APBA1: variants seen among roughly 807,000 people sequenced by gnomAD.
The protein encoded by APBA1 is amyloid-beta A4 precursor protein-binding family A member 1.
APBA1 carries 55 observed loss-of-function variants against 86.6 expected under a neutral mutation model. The ratio of observed to expected loss-of-function variants is 0.64; its 90% CI spans 0.51 to 0.80. The LOEUF is 0.80. Ranked by LOEUF, APBA1 falls within the 30% of genes least tolerant of loss-of-function variation. The pLI is 0.00. For missense variants in APBA1, 1,090 were observed against 1,183.0 expected (o/e 0.92, Z 1.15); for synonymous variants, 511 against 493.9 (o/e 1.03, Z -0.46).
chr9:69,433,936 T>A (rs569429590), intron 11 of APBA1, among the ~76,000 whole-genome samples: 10 of 151,964 alleles, frequency 6.6e-5, no homozygotes, highest in African/African-American at 2.4e-4. Context: ...CTCACCCTCC[T>A]GAGTAGCTGG....
At chr9:69,602,040 A>T (rs10120072) in intron 1 of APBA1, among the ~76,000 whole-genome samples, 147,559 of 152,342 alleles carry the variant, frequency 0.97, 71,644 homozygotes, top group East Asian at 1. Context: ...AACCATTCAT[A>T]CATTCAAAAG....
chr9:69,467,958 G>T lies in APBA1; in HGVS notation c.1347C>A (p.Pro449=), dbSNP rs765057013. 4.3e-6 allele frequency: 7 copies of T among 1,614,144 alleles called. No individual in the cohort carries two copies. The South Asian group carries it at 6.6e-5, about 15-fold the overall frequency. Residue 449 remains proline, a synonymous_variant, in exon 5 of 13, where the codon CCC becomes CCA. Transcript: ENST00000265381. ...SFPTYVEVPG[P]CDPEDLIDGI... The stretch of plus-strand genomic sequence containing the variant: ...CATCGATCAAGTCTTCGGGGTCGCA[G>T]GGTCCCGGAACTGTAACACATAGAG...
At chr9:69,528,495 A>G (rs1836376706) in intron 1 of APBA1, among the ~76,000 whole-genome samples, 1 of 152,148 alleles carries the variant, frequency 6.6e-6, no homozygotes, top group Non-Finnish European at 1.5e-5. Flanking sequence ...CTCAAGAGAC[A>G]GTCTCTGGAA....
intron 1 of APBA1, among the ~76,000 whole-genome samples, chr9:69,661,819 A>G (rs1172331968): frequency 1.3e-5 from 2 of 151,894 alleles, no homozygotes; most frequent in African/African-American, 4.8e-5. Flanking sequence ...CTCTTTCACC[A>G]TGTTATCTCT....
chr9:69,571,296 C>T lies in APBA1; in HGVS notation c.-69-54017G>A, dbSNP rs118093079. Among the ~76,000 whole-genome samples the T allele has an allele frequency of 1.0e-3, 153 of 152,330 alleles. 4 individuals are homozygous for T. The East Asian group carries it at 0.029, about 28-fold the overall frequency. On this transcript the variant is annotated intron_variant, in intron 1 of 12. Transcript: ENST00000265381. ...TCATCTGTTTCCTGTGCCAGTTCTA[C>T]ACCGCTGTATCATAAAAGTCTATCC...
intron 1 of APBA1, among the ~76,000 whole-genome samples, chr9:69,612,070 A>G (rs890831240): frequency 1.3e-5 from 2 of 152,130 alleles, no homozygotes; most frequent in African/African-American, 4.8e-5. Context: ...TATAAATCCA[A>G]CCTAAAAACA....
intron 2 of APBA1, among the ~76,000 whole-genome samples, chr9:69,492,294 T>G (rs566377275): frequency 6.6e-6 from 1 of 152,166 alleles, no homozygotes; most frequent in East Asian, 1.9e-4. Context: ...CTGGTGATAA[T>G]GCACACTAGT....
intron 2 of APBA1, among the ~76,000 whole-genome samples, chr9:69,492,327 C>T (rs147550597): frequency 2.4e-4 from 37 of 152,160 alleles, no homozygotes; most frequent in African/African-American, 6.0e-4. Flanking sequence ...GCCTGGGCAC[C>T]GGCAAAGCAT....
At chr9:69,563,837 A>T (rs1442243310) in intron 1 of APBA1, among the ~76,000 whole-genome samples, 1 of 152,068 alleles carries the variant, frequency 6.6e-6, no homozygotes, top group African/African-American at 2.4e-5. Context: ...TTTCCATAGC[A>T]CTCACTGACT....
At chr9:69,604,857 T>C (rs546388197) in intron 1 of APBA1, among the ~76,000 whole-genome samples, 1 of 135,498 alleles carries the variant, frequency 7.4e-6, no homozygotes, top group African/African-American at 2.8e-5. Flanking sequence ...AGGAGAGGCA[T>C]ATGAGCATGG....
At position 69,635,725 on chromosome 9, in the gene APBA1, G is replaced by A. The variant is rs189790719; in HGVS notation, c.-70+36428C>T. Among the ~76,000 whole-genome samples, 507 of 152,188 alleles carry A rather than the reference G, an allele frequency of 3.3e-3. 3 individuals carry two copies. Among genetic ancestry groups the A allele is most frequent in the African/African-American group, 0.012 (488 of 41,530 alleles). ...TTACATGAGACAACATATATTTCAA[G>A]ACAAAAACTGTAAGAGGAAACAAAG... On this transcript the variant is annotated intron_variant, in intron 1 of 12. Coordinates refer to ENST00000265381, the MANE Select transcript of APBA1 (RefSeq NM_001163.4).
chr9:69,526,895 C>T (rs1156530882), intron 1 of APBA1, among the ~76,000 whole-genome samples: 2 of 151,984 alleles, frequency 1.3e-5, no homozygotes, highest in African/African-American at 4.8e-5. Flanking sequence ...TACTATGCAG[C>T]CATGAAAAAG....
intron 2 of APBA1, among the ~76,000 whole-genome samples, chr9:69,487,641 G>C (rs947637346): frequency 2.0e-5 from 3 of 151,992 alleles, no homozygotes; most frequent in Non-Finnish European, 4.4e-5. Flanking sequence ...TTGAGGGAAC[G>C]GGTTAGTTAT....
chr9:69,566,381 C>A (rs146465568), intron 1 of APBA1, among the ~76,000 whole-genome samples: 2 of 152,290 alleles, frequency 1.3e-5, no homozygotes, highest in African/African-American at 4.8e-5. Context: ...GGTTTCTACA[C>A]CTGATTGCAA....
chr9:69,447,833 T>C (rs946628711), intron 10 of APBA1, among the ~76,000 whole-genome samples: 4 of 152,280 alleles, frequency 2.6e-5, no homozygotes, highest in African/African-American at 9.6e-5. Flanking sequence ...CTGAGCACTG[T>C]GAGCCATAAG....
At chr9:69,537,769 G>A (rs187763002) in intron 1 of APBA1, among the ~76,000 whole-genome samples, 2 of 151,864 alleles carry the variant, frequency 1.3e-5, no homozygotes, top group African/African-American at 4.8e-5. Flanking sequence ...TGAACTGCCT[G>A]GTTTTCTACT....
intron 1 of APBA1, among the ~76,000 whole-genome samples, chr9:69,547,944 G>A (rs1836723800): frequency 6.6e-6 from 1 of 152,186 alleles, no homozygotes; most frequent in Non-Finnish European, 1.5e-5. Flanking sequence ...TTGTACAGAT[G>A]TTACCTTACA....
intron 1 of APBA1, among the ~76,000 whole-genome samples, chr9:69,659,831 ATC>A (rs1174011811): frequency 6.6e-6 from 1 of 152,232 alleles, no homozygotes; most frequent in Non-Finnish European, 1.5e-5. Context: ...TGTGTCATGG[ATC>A]TCTCTTCCAG....
intron 1 of APBA1, among the ~76,000 whole-genome samples, chr9:69,651,011 T>C (rs1302453993): frequency 1.3e-5 from 2 of 152,318 alleles, no homozygotes; most frequent in South Asian, 2.1e-4. Context: ...GAAAATAACC[T>C]AGATTTCTAT....
Sources: gnomAD v4.1 joint callset for allele counts (sites outside exome capture counted in the v4.1 genomes callset) on GRCh38, gnomAD v4.1.1 for gene constraint, MANE v1.5 for transcripts, NCBI Gene and HGNC (gene_info 2026-07-23, HGNC 2026-07-21) for gene names.